TMEM117: variants seen among roughly 807,000 people sequenced by gnomAD.
TMEM117 encodes the protein transmembrane protein 117.
TMEM117 carries 27 observed loss-of-function variants against 52.4 expected under a neutral mutation model. That is an observed-to-expected ratio of 0.51 (90% CI 0.38 to 0.71). The LOEUF (loss-of-function observed/expected upper bound fraction) is 0.71, where lower values mean the gene tolerates loss of function less well. Ranked by LOEUF, TMEM117 falls within the 30% of genes least tolerant of loss-of-function variation. The pLI is 0.00. For missense variants in TMEM117, 556 were observed against 630.5 expected (o/e 0.88, Z 1.26); for synonymous variants, 215 against 206.3 (o/e 1.04, Z -0.36).
the TMEM117 span, among the ~76,000 whole-genome samples, chr12:43,812,565 C>A: frequency 6.6e-6 from 1 of 152,186 alleles, no homozygotes; most frequent in African/African-American, 2.4e-5. Flanking sequence ...GTTCAATTAT[C>A]AGGTTAGCAA....
intron 3 of TMEM117, among the ~76,000 whole-genome samples, chr12:44,108,305 C>A (rs1947998814): frequency 7.1e-6 from 1 of 140,440 alleles, no homozygotes; most frequent in African/African-American, 2.7e-5. Context: ...GCTGCACCCA[C>A]TAATGTGTCA....
At chr12:44,099,197 A>C (rs1947822045) in intron 3 of TMEM117, among the ~76,000 whole-genome samples, 1 of 152,072 alleles carries the variant, frequency 6.6e-6, no homozygotes, top group Admixed American at 6.6e-5. Flanking sequence ...TTCTTTAACA[A>C]AATAGCAACC....
intron 3 of TMEM117, among the ~76,000 whole-genome samples, chr12:44,129,346 T>A (rs1948377859): frequency 6.6e-6 from 1 of 152,158 alleles, no homozygotes; most frequent in African/African-American, 2.4e-5. Flanking sequence ...GCCTGTCAGG[T>A]CTTTCACAAG....
At chr12:44,161,515 C>T (rs971193231) in intron 4 of TMEM117, among the ~76,000 whole-genome samples, 2 of 152,164 alleles carry the variant, frequency 1.3e-5, no homozygotes, top group African/African-American at 4.8e-5. Flanking sequence ...GGGACTAATG[C>T]TCACCTTATA....
intron 3 of TMEM117, among the ~76,000 whole-genome samples, chr12:44,137,415 G>A (rs1261868374): frequency 2.6e-5 from 4 of 152,102 alleles, no homozygotes; most frequent in Non-Finnish European, 4.4e-5. Flanking sequence ...TTCCTAGTAG[G>A]AGGAGGGCCT....
Position 44,367,934 on chromosome 12 carries a change from C to A in TMEM117, c.769-8661C>A, listed in dbSNP as rs374097253. 1.6e-4 allele frequency among the ~76,000 whole-genome samples: 24 copies of A among 152,230 alleles called. No individual in the cohort carries two copies. In the South Asian group the frequency reaches 4.6e-3, roughly 29 times the overall value. On this transcript the variant is annotated intron_variant, in intron 6 of 7. Transcript: ENST00000266534. ...TATTTAAATGGCTGTCATTTCACACCTAAACTACTGCAACAGTCTCCTAAT... is the reference window on the plus strand; with the variant it reads ...TATTTAAATGGCTGTCATTTCACACATAAACTACTGCAACAGTCTCCTAAT...
At chr12:44,034,951 A>T (rs527836013) in intron 3 of TMEM117, among the ~76,000 whole-genome samples, 28 of 152,258 alleles carry the variant, frequency 1.8e-4, no homozygotes, top group African/African-American at 6.5e-4. Flanking sequence ...GAAAGGAGGA[A>T]TTTGCCCCTG....
At chr12:43,916,740 A>T (rs1049971983) in intron 2 of TMEM117, among the ~76,000 whole-genome samples, 2 of 152,180 alleles carry the variant, frequency 1.3e-5, no homozygotes, top group South Asian at 2.1e-4. Context: ...TACTGGGACT[A>T]AAAAATTAAA....
chr12:44,123,918 T>C (rs1240617576), intron 3 of TMEM117, among the ~76,000 whole-genome samples: 1 of 152,152 alleles, frequency 6.6e-6, no homozygotes, highest in Non-Finnish European at 1.5e-5. Flanking sequence ...TTTAAAATTG[T>C]TTTTTTCTAA....
chr12:44,317,301 T>TG (rs61339419), intron 6 of TMEM117, among the ~76,000 whole-genome samples: 3 of 136,172 alleles, frequency 2.2e-5, no homozygotes, highest in Non-Finnish European at 4.9e-5. Context: ...TATATATATG[T>TG]TTTTTTTTTT....
chr12:44,388,289 G>A lies in TMEM117; in HGVS notation c.1162G>A (p.Ala388Thr), dbSNP rs1368982869. 2 of 1,613,534 alleles carry A rather than the reference G, an allele frequency of 1.2e-6. No homozygotes were observed. The highest frequency in any genetic ancestry group is 1.3e-5 in the African/African-American group (1 of 74,966). The change falls in exon 8 of 8, where the codon GCC becomes ACC. Residue 388 changes from alanine (A) to threonine (T), a missense_variant. By Grantham distance (58) the Ala-to-Thr change is moderately conservative (BLOSUM62 0). Coordinates refer to ENST00000266534, the MANE Select transcript of TMEM117 (RefSeq NM_032256.3). ...DMFLHSRFIG[A>T]SLDVKCLAFV... The stretch of plus-strand genomic sequence containing the variant: ...GTTCTTACACAGCAGGTTCATAGGA[G>A]CCAGTCTTGATGTCAAGTGTCTGGC...
At chr12:44,074,924 A>G in intron 3 of TMEM117, among the ~76,000 whole-genome samples, 1 of 152,146 alleles carries the variant, frequency 6.6e-6, no homozygotes, top group East Asian at 1.9e-4. Context: ...CCCACTCTTT[A>G]TACACTAATG....
At chr12:43,990,038 A>C (rs1046440662) in intron 3 of TMEM117, among the ~76,000 whole-genome samples, 6 of 152,170 alleles carry the variant, frequency 3.9e-5, no homozygotes, top group Non-Finnish European at 7.4e-5. Flanking sequence ...GGTAAGATTT[A>C]AGCTAGTACA....
intron 3 of TMEM117, among the ~76,000 whole-genome samples, chr12:44,102,053 G>A (rs6582498): frequency 0.25 from 37,533 of 151,868 alleles, 8,164 homozygotes; most frequent in African/African-American, 0.59. Context: ...TCAGGAAACC[G>A]ATAAAGATAA....
Position 44,223,259 on chromosome 12 carries a change from A to AT in TMEM117, c.608+11884dup, listed in dbSNP as rs544396572. ...ACACATAGATGAATAGAAGGGAAAG[A>AT]TTTTTTTTTTTTAACCTTTCTTTTC... On this transcript the variant is annotated intron_variant, in intron 5 of 7. Coordinates refer to ENST00000266534, the MANE Select transcript of TMEM117 (RefSeq NM_032256.3). Among the ~76,000 whole-genome samples, 89 of 146,812 alleles carry AT rather than the reference A, an allele frequency of 6.1e-4. 1 individual carries two copies. Among genetic ancestry groups the AT allele is most frequent in the Middle Eastern group, 6.9e-3 (2 of 288 alleles).
chr12:43,928,644 G>T (rs1003845539), intron 2 of TMEM117, among the ~76,000 whole-genome samples: 1 of 151,076 alleles, frequency 6.6e-6, no homozygotes, highest in Non-Finnish European at 1.5e-5. Flanking sequence ...TGCACAATGC[G>T]CAGGTTAGTT....
intron 3 of TMEM117, among the ~76,000 whole-genome samples, chr12:43,974,407 A>C (rs113165085): frequency 2.8e-4 from 43 of 152,128 alleles, no homozygotes; most frequent in African/African-American, 1.0e-3. Flanking sequence ...AATATTATTT[A>C]TTTAAAATGA....
chr12:44,138,626 A>G (rs1043946523), intron 3 of TMEM117, among the ~76,000 whole-genome samples: 3 of 152,150 alleles, frequency 2.0e-5, no homozygotes, highest in African/African-American at 7.2e-5. Flanking sequence ...TTTATCAGTG[A>G]CCATTGTTAG....
At chr12:44,243,951 C>T (rs1950096992) in intron 5 of TMEM117, among the ~76,000 whole-genome samples, 1 of 151,934 alleles carries the variant, frequency 6.6e-6, no homozygotes, top group Admixed American at 6.6e-5. Context: ...TGTCAAGTGA[C>T]AGAATTTCTT....
Sources: gnomAD v4.1 joint callset for allele counts (sites outside exome capture counted in the v4.1 genomes callset) on GRCh38, gnomAD v4.1.1 for gene constraint, MANE v1.5 for transcripts, NCBI Gene and HGNC (gene_info 2026-07-23, HGNC 2026-07-21) for gene names.